The following PLA1A variants were observed in gnomAD, a reference collection of about 807,000 sequenced individuals.
The protein encoded by PLA1A is phospholipase A1 member A, also known as phosphatidylserine-specific phospholipase A1alpha.
Under a neutral mutation model 49.4 loss-of-function variants are expected in PLA1A, and 47 were observed. The observed-to-expected ratio is 0.95, with a 90% CI of 0.75 to 1.21. The LOEUF (loss-of-function observed/expected upper bound fraction) is 1.21. Ranked by LOEUF, PLA1A falls within the 50% of genes most tolerant of loss-of-function variation. The pLI is 0.00. For missense variants in PLA1A, 561 were observed against 563.9 expected, an observed-to-expected ratio of 0.99 and a Z score of 0.05; for synonymous variants, 224 against 207.9, an observed-to-expected ratio of 1.08 and a Z score of -0.67.
At chr3:119,620,764 C>T (rs1001483777) in intron 8 of PLA1A, among the ~76,000 whole-genome samples, 1 of 152,174 alleles carries the variant, frequency 6.6e-6, no homozygotes, top group African/African-American at 2.4e-5. Context: ...TTGGCTACCT[C>T]TTAGGAGCAA....
chr3:119,627,332 T>C (rs1372900714), intron 9 of PLA1A, among the ~76,000 whole-genome samples: 1 of 152,162 alleles, frequency 6.6e-6, no homozygotes, highest in African/African-American at 2.4e-5. Context: ...CTGGGCCAAC[T>C]CCCCAAACCA....
rs2082727597 is a variant in PLA1A at position 119,608,767 on chromosome 3, T to C, written c.276-3T>C. On this transcript the variant is annotated splice_region_variant and splice_polypyrimidine_tract_variant and intron_variant, in intron 2 of 10. Coordinates refer to ENST00000273371, the MANE Select transcript of PLA1A (RefSeq NM_015900.4). ...TTCCATTCTTTTTTGGCCCCCTGTC[T>C]AGGGTTTTAGGAACAAAGCCTTCCT... 1 of 1,611,838 alleles carries C rather than the reference T, an allele frequency of 6.2e-7. No individual in the cohort carries two copies. The highest frequency in any genetic ancestry group is 1.1e-5 in the South Asian group (1 of 90,896).
At chr3:119,626,936 T>C (rs2052545893) in intron 9 of PLA1A, among the ~76,000 whole-genome samples, 1 of 152,180 alleles carries the variant, frequency 6.6e-6, no homozygotes, top group African/African-American at 2.4e-5. Flanking sequence ...TTTCATCATC[T>C]TCTAGCCCAT....
chr3:119,628,637 C>A, intron 9 of PLA1A, 64 bp from the exon 10 acceptor site: 1 of 1,504,070 alleles, frequency 6.6e-7, no homozygotes. Context: ...CGATCGGAGC[C>A]AAAGGGGAAG....
At chr3:119,600,990 G>A (rs1006122665) in intron 1 of PLA1A, among the ~76,000 whole-genome samples, 5 of 152,180 alleles carry the variant, frequency 3.3e-5, no homozygotes, top group African/African-American at 7.2e-5. Flanking sequence ...GGGGGCCTCC[G>A]CCCTCCTCCC....
chr3:119,610,364 T>C (rs1261711537), intron 4 of PLA1A, among the ~76,000 whole-genome samples: 2 of 152,186 alleles, frequency 1.3e-5, no homozygotes, highest in Admixed American at 6.5e-5. Flanking sequence ...CTGAGTCAAG[T>C]GGTGATTTTA....
chr3:119,608,230 G>GAAAGAAAGAAAGAA (rs1445174162), intron 2 of PLA1A, among the ~76,000 whole-genome samples: 1 of 74,776 alleles, frequency 1.3e-5, no homozygotes, highest in Non-Finnish European at 2.8e-5. Flanking sequence ...AAGAAAGAGA[G>GAAAGAAAGAAAGAA]AGAAAGAAAG....
At chr3:119,607,758 A>G (rs1489567377) in intron 2 of PLA1A, among the ~76,000 whole-genome samples, 13 of 151,998 alleles carry the variant, frequency 8.6e-5, no homozygotes, top group Non-Finnish European at 2.9e-5. Context: ...ATATTCCACC[A>G]CTTTCCAAGG....
At chr3:119,599,815 A>G (rs765780169) in intron 1 of PLA1A, among the ~76,000 whole-genome samples, 1 of 152,006 alleles carries the variant, frequency 6.6e-6, no homozygotes. Context: ...GGCATTCTCT[A>G]TTTCCCATCC....
Position 119,598,018 on chromosome 3 carries a change from T to C in PLA1A, c.73+32T>C, listed in dbSNP as rs769058287. The C allele has an allele frequency of 1.5e-5, 21 of 1,385,960 alleles. No individual in the cohort carries two copies. In the African/African-American group the frequency reaches 3.0e-4, roughly 20 times the overall value. The allele number at this position is 1,385,960 out of a possible 1,614,324, so 85.9% of individuals were successfully genotyped here. A position where few individuals can be genotyped will look rare whatever the true frequency, so the allele number is the denominator to read the frequency against. On this transcript the variant is annotated intron_variant, in intron 1 of 10. Coordinates refer to ENST00000273371, the MANE Select transcript of PLA1A (RefSeq NM_015900.4). ...CAGGGCTCAGGCCTTGGGAGGAACT[T>C]ATTTCAGTCAGTGATCATATTTCTC...
chr3:119,629,458 C>G lies in PLA1A; in HGVS notation c.1361C>G (p.Ala454Gly). The change falls in exon 11 of 11, where the codon GCC (alanine) becomes GGC (glycine). Residue 454 changes from alanine (A) to glycine (G), a missense_variant. Ala to Gly is a moderately conservative substitution (Grantham distance 60, BLOSUM62 0). Transcript: ENST00000273371. ...ACTGTTTCCTGTGACCTGAAGATAG[C>G]CTGTGTGTAGTTTAACCTGGGCAGG... ...SVTVSCDLKI[A>G]CV 1 of 1,594,946 alleles carries G rather than the reference C, an allele frequency of 6.3e-7. No homozygotes were observed. The highest frequency in any genetic ancestry group is 1.1e-5 in the South Asian group (1 of 90,634).
intron 9 of PLA1A, among the ~76,000 whole-genome samples, chr3:119,628,194 T>C (rs954648487): frequency 6.6e-6 from 1 of 152,240 alleles, no homozygotes; most frequent in Admixed American, 6.5e-5. Flanking sequence ...AGGTAACTTG[T>C]CCAAAGCCAT....
intron 9 of PLA1A, among the ~76,000 whole-genome samples, chr3:119,628,019 G>T (rs1447168172): frequency 6.6e-6 from 1 of 152,160 alleles, no homozygotes; most frequent in Non-Finnish European, 1.5e-5. Flanking sequence ...GGGGGGCAAA[G>T]CCAAGAGGCT....
chr3:119,623,900 T>G (rs1437566183), intron 8 of PLA1A, among the ~76,000 whole-genome samples: 1 of 151,906 alleles, frequency 6.6e-6, no homozygotes, highest in African/African-American at 2.4e-5. Flanking sequence ...AATTTTTATA[T>G]TTTTAGTAGA....
rs371011090 is a variant in PLA1A, at chr3:119,613,057, G to A, written c.603G>A (p.Val201=). The A allele has an allele frequency of 2.0e-5, 32 of 1,608,388 alleles. No individual in the cohort carries two copies. The African/African-American group carries it at 3.9e-4, about 19-fold the overall frequency. Reference sequence around the variant, plus strand: ...GACCTGAGTACACCAGGGCCAGTGTGGAAGAGCGCTTGGATGCTGGAGATG... The same window carrying A: ...GACCTGAGTACACCAGGGCCAGTGTAGAAGAGCGCTTGGATGCTGGAGATG... The part of the protein sequence containing the change: ...PAGPEYTRAS[V]EERLDAGDAL... The change falls in exon 5 of 11, where the codon GTG becomes GTA. Residue 201 remains valine (V), a synonymous_variant. Coordinates refer to ENST00000273371, the MANE Select transcript of PLA1A (RefSeq NM_015900.4).
At chr3:119,626,413 C>A (rs907585191) in intron 9 of PLA1A, among the ~76,000 whole-genome samples, 1 of 152,182 alleles carries the variant, frequency 6.6e-6, no homozygotes, top group African/African-American at 2.4e-5. Flanking sequence ...CAGAGTCTGA[C>A]TGAGTCCAAG....
intron 2 of PLA1A, among the ~76,000 whole-genome samples, chr3:119,608,101 C>T (rs1049004270): frequency 4.6e-5 from 7 of 151,388 alleles, no homozygotes; most frequent in African/African-American, 1.7e-4. Flanking sequence ...TACTGCCTGG[C>T]CCATAGGTAC....
intron 5 of PLA1A, among the ~76,000 whole-genome samples, chr3:119,615,803 G>C (rs1200639105): frequency 6.6e-6 from 1 of 150,664 alleles, no homozygotes; most frequent in Non-Finnish European, 1.5e-5. Flanking sequence ...AAGAGCGAGA[G>C]AGCGAAAAAA....
chr3:119,616,060 G>A lies in PLA1A; in HGVS notation c.713G>A (p.Gly238Glu). 6.2e-7 allele frequency: 1 copy of A among 1,613,848 alleles called. No individual in the cohort carries two copies. The highest frequency in any genetic ancestry group is 1.6e-4 in the Middle Eastern group (1 of 6,062). Residue 238 changes from glycine to glutamate, a missense_variant, in exon 6 of 11, where the codon GGA becomes GAA. Gly to Glu is a moderately conservative substitution (Grantham distance 98, BLOSUM62 -2). Coordinates refer to ENST00000273371, the MANE Select transcript of PLA1A (RefSeq NM_015900.4). The stretch of plus-strand genomic sequence containing the variant: ...GGACATGTGGACTACTTCGTCAACG[G>A]AGGCCAAGACCAACCTGGCTGCCCC... ...PVGHVDYFVN[G>E]GQDQPGCPTF...
Sources: gnomAD v4.1 joint callset for allele counts (sites outside exome capture counted in the v4.1 genomes callset) on GRCh38, gnomAD v4.1.1 for gene constraint, MANE v1.5 for transcripts, NCBI Gene and HGNC (gene_info 2026-07-23, HGNC 2026-07-21) for gene names.